The following SRPK2 variants were observed in gnomAD, a reference collection of about 807,000 sequenced individuals.
The protein encoded by SRPK2 is SFRS protein kinase 2.
A neutral mutation model predicts 90.8 loss-of-function variants in SRPK2; 21 were observed. The observed-to-expected ratio is 0.23, with a 90% CI of 0.16 to 0.33. SRPK2 has a LOEUF of 0.33. SRPK2 is among the 10% of genes least tolerant of loss of function. The pLI, the probability that SRPK2 is intolerant of heterozygous loss-of-function variation, is 1.00. For synonymous variants in SRPK2, 288 were observed against 311.1 expected (o/e 0.93, Z 0.78); for missense variants, 620 against 869.0 (o/e 0.71, Z 3.60).
intron 2 of SRPK2, among the ~76,000 whole-genome samples, chr7:105,290,820 T>C (rs1359660892): frequency 6.8e-6 from 1 of 147,982 alleles, no homozygotes. Flanking sequence ...GGGTGGATCA[T>C]GAGGTCAGAA....
intron 3 of SRPK2, among the ~76,000 whole-genome samples, chr7:105,192,950 G>A (rs1794486727): frequency 6.6e-6 from 1 of 152,028 alleles, no homozygotes; most frequent in African/African-American, 2.4e-5. Flanking sequence ...TCCTTTGTCG[G>A]ATGTATAGAT....
chr7:105,267,574 A>C (rs1216678994), intron 2 of SRPK2, among the ~76,000 whole-genome samples: 1 of 152,134 alleles, frequency 6.6e-6, no homozygotes, highest in East Asian at 1.9e-4. Flanking sequence ...GCAGTCCTAA[A>C]ATTTTCTACT....
chr7:105,138,591 G>C (rs1165533916), intron 11 of SRPK2, among the ~76,000 whole-genome samples: 1 of 152,228 alleles, frequency 6.6e-6, no homozygotes, highest in Non-Finnish European at 1.5e-5. Context: ...TCGAGCCCAT[G>C]AGTTCAGGAC....
intron 3 of SRPK2, among the ~76,000 whole-genome samples, chr7:105,202,053 C>T (rs577835129): frequency 6.6e-6 from 1 of 152,256 alleles, no homozygotes; most frequent in Admixed American, 6.5e-5. Context: ...TACTAGACTG[C>T]ATAGATCTTT....
chr7:105,353,626 A>C (rs769258731), intron 2 of SRPK2, among the ~76,000 whole-genome samples: 1 of 152,090 alleles, frequency 6.6e-6, no homozygotes. Context: ...TTGGCCTCCC[A>C]AAGTGATGGG....
At chr7:105,259,131 C>G (rs1156920702) in intron 2 of SRPK2, among the ~76,000 whole-genome samples, 4 of 152,162 alleles carry the variant, frequency 2.6e-5, no homozygotes, top group South Asian at 2.1e-4. Flanking sequence ...TGTATATTTA[C>G]AAAACCCTAT....
At chr7:105,352,905 A>G (rs970198746) in intron 2 of SRPK2, among the ~76,000 whole-genome samples, 3 of 143,416 alleles carry the variant, frequency 2.1e-5, no homozygotes, top group Non-Finnish European at 4.5e-5. Context: ...ATCTCAAAAG[A>G]AAAAAAAAAA....
chr7:105,379,156 AAT>A (rs56847291), intron 2 of SRPK2, among the ~76,000 whole-genome samples: 3 of 150,326 alleles, frequency 2.0e-5, no homozygotes, highest in Non-Finnish European at 3.0e-5. Context: ...TCTAAAAAAA[AAT>A]ATATATATAT....
chr7:105,251,950 CTCTTT>C (rs1470586719), intron 2 of SRPK2, among the ~76,000 whole-genome samples: 1 of 152,180 alleles, frequency 6.6e-6, no homozygotes, highest in Non-Finnish European at 1.5e-5. Flanking sequence ...TGACCTTTAT[CTCTTT>C]TATCAGACAA....
rs749700151 is a variant in SRPK2 at position 105,145,302 on chromosome 7, G to A, written c.794C>T (p.Thr265Met). ...APPPSGSAVS[T>M]APQQKPIGKI... ...ACTTACAGGTTTCTGCTGTGGAGCCGTACTCACTAAAATAAAATCAAACAA... is the reference window on the plus strand; with the variant it reads ...ACTTACAGGTTTCTGCTGTGGAGCCATACTCACTAAAATAAAATCAAACAA... Residue 265 changes from threonine to methionine, a missense_variant, in exon 9 of 16, where the codon ACG becomes ATG. Physicochemically the swap from Thr to Met is moderately conservative, Grantham distance 81. Around this residue, in one of 8 missense-constraint regions of SRPK2, gnomAD observed 196 missense variants for 339.2 expected, o/e 0.58. Transcript: ENST00000393651. The A allele has an allele frequency of 3.8e-6, 6 of 1,588,084 alleles. No individual in the cohort carries two copies. The highest frequency in any genetic ancestry group is 5.1e-6 in the Non-Finnish European group (6 of 1,166,664).
intron 2 of SRPK2, among the ~76,000 whole-genome samples, chr7:105,222,908 T>C (rs1462793228): frequency 6.6e-6 from 1 of 152,234 alleles, no homozygotes; most frequent in Non-Finnish European, 1.5e-5. Flanking sequence ...TAAACTCTAG[T>C]ATGTGGTAAG....
chr7:105,269,811 C>T (rs1162633814), intron 2 of SRPK2, among the ~76,000 whole-genome samples: 1 of 152,174 alleles, frequency 6.6e-6, no homozygotes, highest in African/African-American at 2.4e-5. Flanking sequence ...ATTACCCAGA[C>T]TATTTCATGT....
chr7:105,155,247 G>A (rs907041050), intron 7 of SRPK2, among the ~76,000 whole-genome samples: 3 of 152,154 alleles, frequency 2.0e-5, no homozygotes, highest in African/African-American at 7.2e-5. Context: ...CTCCCAAAGT[G>A]CAGGGATTAC....
chr7:105,170,355 T>C (rs554615152), intron 3 of SRPK2, among the ~76,000 whole-genome samples: 1 of 152,122 alleles, frequency 6.6e-6, no homozygotes, highest in East Asian at 1.9e-4. Flanking sequence ...CTCTCATCAC[T>C]CTTCTGCCAA....
intron 6 of SRPK2, among the ~76,000 whole-genome samples, chr7:105,161,815 A>T (rs1807706771): frequency 6.6e-6 from 1 of 152,242 alleles, no homozygotes; most frequent in African/African-American, 2.4e-5. Context: ...ATACAACTAG[A>T]TCAATTTTAA....
chr7:105,251,116 A>C (rs972982615), intron 2 of SRPK2, among the ~76,000 whole-genome samples: 7 of 152,218 alleles, frequency 4.6e-5, no homozygotes, highest in Admixed American at 6.5e-5. Context: ...ATAAATACTT[A>C]CATCTATGTT....
At chr7:105,336,749 C>T (rs1248334991) in intron 2 of SRPK2, among the ~76,000 whole-genome samples, 2 of 152,160 alleles carry the variant, frequency 1.3e-5, no homozygotes, top group African/African-American at 4.8e-5. Context: ...AATAAATCAA[C>T]TGTAAAAAGG....
At chr7:105,187,978 T>C (rs1266664625) in intron 3 of SRPK2, among the ~76,000 whole-genome samples, 1 of 152,170 alleles carries the variant, frequency 6.6e-6, no homozygotes, top group Admixed American at 6.5e-5. Flanking sequence ...GGAAATAATC[T>C]GACAGCTCCT....
intron 2 of SRPK2, among the ~76,000 whole-genome samples, chr7:105,271,915 T>C (rs1351546432): frequency 6.6e-6 from 1 of 152,214 alleles, no homozygotes; most frequent in Non-Finnish European, 1.5e-5. Flanking sequence ...CCTGATAAAC[T>C]TAGAAACAAA....
Sources: allele counts gnomAD v4.1 joint callset (sites outside exome capture counted in the v4.1 genomes callset), GRCh38; gene constraint gnomAD v4.1.1; regional missense constraint gnomAD v4.1.1; transcripts MANE v1.5; gene names NCBI Gene and HGNC (gene_info 2026-07-23, HGNC 2026-07-21).